The following PEBP4 variants were observed in gnomAD, a reference collection of about 807,000 sequenced individuals.
PEBP4 encodes phosphatidylethanolamine-binding protein 4.
Under a neutral mutation model 23.9 loss-of-function variants are expected in PEBP4, and 22 were observed. That is an observed-to-expected ratio of 0.92 (90% CI 0.66 to 1.31). The LOEUF is 1.31. Ranked by LOEUF, PEBP4 falls within the 40% of genes most tolerant of loss-of-function variation. The pLI is 0.00. For synonymous variants in PEBP4, 112 were observed against 99.3 expected (o/e 1.13, Z -0.76); for missense variants, 324 against 281.7 (o/e 1.15, Z -1.07).
At chr8:22,889,925 T>G (rs530885404) in intron 3 of PEBP4, among the ~76,000 whole-genome samples, 1 of 152,354 alleles carries the variant, frequency 6.6e-6, no homozygotes, top group African/African-American at 2.4e-5. Context: ...TTGCTCCAAA[T>G]TGATGCAATG....
intron 3 of PEBP4, among the ~76,000 whole-genome samples, chr8:22,857,300 T>A (rs1807674472): frequency 6.6e-6 from 1 of 151,176 alleles, no homozygotes; most frequent in Non-Finnish European, 1.5e-5. Flanking sequence ...TGGTTTAATA[T>A]CCTGAGGCAG....
intron 4 of PEBP4, among the ~76,000 whole-genome samples, chr8:22,782,800 C>T (rs981938312): frequency 6.6e-6 from 1 of 152,188 alleles, no homozygotes; most frequent in Non-Finnish European, 1.5e-5. Flanking sequence ...GGAGGCAGCA[C>T]GTTTTAGGGT....
intron 4 of PEBP4, among the ~76,000 whole-genome samples, chr8:22,748,294 G>A (rs1217587693): frequency 6.6e-6 from 1 of 152,042 alleles, no homozygotes; most frequent in South Asian, 2.1e-4. Flanking sequence ...AGCCCTCCAG[G>A]GTGAGGGGAC....
At chr8:22,815,905 C>T (rs988636405) in intron 4 of PEBP4, among the ~76,000 whole-genome samples, 7 of 152,204 alleles carry the variant, frequency 4.6e-5, no homozygotes, top group Admixed American at 2.0e-4. Flanking sequence ...CAAGTCCTCT[C>T]AATTCTGAAG....
rs1242078564 is a variant in PEBP4 at position 22,716,615 on chromosome 8, T to A, written c.518-3079A>T. 2.0e-5 allele frequency among the ~76,000 whole-genome samples: 3 copies of A among 152,244 alleles called. No homozygotes were observed. In the East Asian group the frequency reaches 5.8e-4, roughly 29 times the overall value. On this transcript the variant is annotated intron_variant, in intron 6 of 6. Transcript: ENST00000256404. ...CTCTCCACCCCAAGCTTCCCAAATC[T>A]GTGGGGTTGGCTTTCCACTGTTTGG...
At chr8:22,903,139 A>G (rs1808744194) in intron 3 of PEBP4, among the ~76,000 whole-genome samples, 1 of 152,180 alleles carries the variant, frequency 6.6e-6, no homozygotes, top group African/African-American at 2.4e-5. Flanking sequence ...ATCACCCCGG[A>G]AACCGCGAAA....
At chr8:22,849,219 G>GGTATT (rs113951334) in intron 3 of PEBP4, among the ~76,000 whole-genome samples, 4,092 of 152,014 alleles carry the variant, frequency 0.027, 188 homozygotes, top group African/African-American at 0.093. Flanking sequence ...TCCTTTAGAA[G>GGTATT]GTAATTATTC....
At chr8:22,741,043 G>C (rs1804979385) in intron 4 of PEBP4, among the ~76,000 whole-genome samples, 1 of 152,176 alleles carries the variant, frequency 6.6e-6, no homozygotes, top group Non-Finnish European at 1.5e-5. Context: ...GAGACAGATG[G>C]GATGGAAGAG....
chr8:22,925,270 G>A (rs17088800), intron 2 of PEBP4: 281,842 of 985,112 alleles, frequency 0.29, 42,010 homozygotes, highest in East Asian at 0.34. Context: ...CAGACTGGGG[G>A]CCTGCTGGTG....
chr8:22,788,348 G>T (rs1245476359), intron 4 of PEBP4, among the ~76,000 whole-genome samples: 1 of 152,172 alleles, frequency 6.6e-6, no homozygotes, highest in Non-Finnish European at 1.5e-5. Flanking sequence ...GAGAAGAGAA[G>T]AGGGAGAAAT....
chr8:22,793,299 C>G (rs984032225), intron 4 of PEBP4, among the ~76,000 whole-genome samples: 49 of 152,124 alleles, frequency 3.2e-4, no homozygotes, highest in African/African-American at 1.2e-3. Context: ...CAGAGTTTCA[C>G]TCCGTCACCT....
intron 1 of PEBP4, among the ~76,000 whole-genome samples, chr8:22,936,646 GT>G (rs1177232837): frequency 6.6e-6 from 1 of 152,088 alleles, no homozygotes; most frequent in African/African-American, 2.4e-5. Flanking sequence ...TCTAACCAAA[GT>G]TAGAAAAGAA....
intron 3 of PEBP4, among the ~76,000 whole-genome samples, chr8:22,899,084 G>A (rs1339364210): frequency 6.6e-6 from 1 of 152,230 alleles, no homozygotes. Context: ...CCCTGGACAA[G>A]CTACACACCT....
chr8:22,808,421 C>T (rs1030901049), intron 4 of PEBP4, among the ~76,000 whole-genome samples: 10 of 152,138 alleles, frequency 6.6e-5, no homozygotes, highest in Admixed American at 1.3e-4. Context: ...CAACATTTAC[C>T]GAGGGCACTT....
At chr8:22,779,859 G>C (rs545964444) in intron 4 of PEBP4, among the ~76,000 whole-genome samples, 6 of 152,200 alleles carry the variant, frequency 3.9e-5, no homozygotes, top group Non-Finnish European at 7.3e-5. Context: ...ACTTAGCTTG[G>C]ACATGCAAAT....
chr8:22,782,131 G>A (rs1805929783), intron 4 of PEBP4, among the ~76,000 whole-genome samples: 1 of 152,198 alleles, frequency 6.6e-6, no homozygotes, highest in African/African-American at 2.4e-5. Context: ...ACTTGAGACG[G>A]GAATGAGCAT....
At chr8:22,876,204 C>T (rs1369654579) in intron 3 of PEBP4, among the ~76,000 whole-genome samples, 1 of 152,146 alleles carries the variant, frequency 6.6e-6, no homozygotes, top group Admixed American at 6.5e-5. Context: ...AGCCACTGGG[C>T]CTGGCCGACA....
chr8:22,818,538 G>T (rs1007049194), intron 3 of PEBP4, among the ~76,000 whole-genome samples: 2 of 152,182 alleles, frequency 1.3e-5, no homozygotes, highest in African/African-American at 4.8e-5. Flanking sequence ...GGAGGGAGCA[G>T]AGGCCAGGCC....
chr8:22,907,623 G>A (rs144073959), intron 3 of PEBP4, among the ~76,000 whole-genome samples: 6 of 152,276 alleles, frequency 3.9e-5, no homozygotes, highest in East Asian at 1.9e-4. Flanking sequence ...AAGAGGTGAT[G>A]GGCTGGCTCA....
Sources: gnomAD v4.1 joint callset for allele counts (sites outside exome capture counted in the v4.1 genomes callset) on GRCh38, gnomAD v4.1.1 for gene constraint, MANE v1.5 for transcripts, NCBI Gene and HGNC (gene_info 2026-07-23, HGNC 2026-07-21) for gene names.